SMCHD1: variants seen among roughly 807,000 people sequenced by gnomAD.
SMCHD1 encodes the protein structural maintenance of chromosomes flexible hinge domain containing 1, also known as structural maintenance of chromosomes flexible hinge domain-containing protein 1.
A neutral mutation model predicts 254.7 loss-of-function variants in SMCHD1; 78 were observed. That is an observed-to-expected ratio of 0.31 (90% CI 0.26 to 0.37). The LOEUF is 0.37. Ranked by LOEUF, SMCHD1 falls within the 10% of genes least tolerant of loss-of-function variation. The probability of loss-of-function intolerance (pLI) is 1.00; values close to 1 mark genes in which losing one functional copy is unlikely to be tolerated. For synonymous variants in SMCHD1, 766 were observed against 794.9 expected (o/e 0.96, Z 0.61); for missense variants, 1,840 against 2,408.1 (o/e 0.76, Z 4.94).
chr18:2,729,523 G>A (rs2075094281), intron 24 of SMCHD1, 114 bp downstream of exon 24: 2 of 698,874 alleles, frequency 2.9e-6, no homozygotes, highest in Non-Finnish European at 2.2e-6. Context: ...AGGTATTTGT[G>A]GTTCTTTCAG....
At chr18:2,706,874 A>C (rs926565918) in intron 15 of SMCHD1, among the ~76,000 whole-genome samples, 1 of 152,208 alleles carries the variant, frequency 6.6e-6, no homozygotes, top group Non-Finnish European at 1.5e-5. Context: ...TAATTGACTC[A>C]GTCGTGCATG....
intron 25 of SMCHD1, among the ~76,000 whole-genome samples, chr18:2,737,812 G>A (rs2075278766): frequency 6.6e-6 from 1 of 152,180 alleles, no homozygotes; most frequent in Admixed American, 6.5e-5. Context: ...TAAATAGAAA[G>A]TATTGGGAGT....
chr18:2,758,061 GATAGATAGATAT>G (rs1429082942), intron 34 of SMCHD1, among the ~76,000 whole-genome samples: 2 of 152,200 alleles, frequency 1.3e-5, no homozygotes, highest in Admixed American at 6.5e-5. Context: ...TAGATAGATA[GATAGATAGATAT>G]ATTCTTTTAA....
intron 15 of SMCHD1, among the ~76,000 whole-genome samples, chr18:2,707,051 A>C (rs2143248770): frequency 6.6e-6 from 1 of 152,284 alleles, no homozygotes. Flanking sequence ...AGCATGGGGG[A>C]AACCATTCCT....
At chr18:2,679,033 A>G (rs1269364486) in intron 5 of SMCHD1, among the ~76,000 whole-genome samples, 1 of 150,614 alleles carries the variant, frequency 6.6e-6, no homozygotes, top group Non-Finnish European at 1.5e-5. Context: ...TTTTTAGTAG[A>G]GTCGAGGTTT....
chr18:2,751,521 C>T (rs1555647613), intron 33 of SMCHD1, 128 bp downstream of exon 33: 2 of 589,174 alleles, frequency 3.4e-6, no homozygotes, highest in Non-Finnish European at 5.9e-6. Flanking sequence ...TACTTCATTC[C>T]TTTGGGGTTA....
At chr18:2,793,672 G>GA (rs77607786) in intron 45 of SMCHD1, among the ~76,000 whole-genome samples, 1 of 65,880 alleles carries the variant, frequency 1.5e-5, no homozygotes, top group African/African-American at 6.3e-5. Flanking sequence ...AAAAAAAAAA[G>GA]AAAGAAAACA....
In SMCHD1 at chr18:2,708,894, ATATATATATAT is replaced by A. The variant is rs1397756362; in HGVS notation, c.2260+975_2260+985del. Among the ~76,000 whole-genome samples the A allele has an allele frequency of 5.5e-3, 421 of 76,916 alleles. 55 individuals are homozygous for A. The highest frequency in any genetic ancestry group is 0.024 in the African/African-American group (380 of 15,870). 50.5% of individuals were successfully genotyped at this position (76,916 alleles called of 152,430 possible). ...TATATATATATATATATATATATAT[ATATATATATAT>A]ATAACATATTAACATGAAATTTATG... is the stretch of plus-strand genomic sequence containing the variant. On this transcript the variant is annotated intron_variant, in intron 17 of 47. Coordinates refer to ENST00000320876, the MANE Select transcript of SMCHD1 (RefSeq NM_015295.3).
chr18:2,679,925 A>T (rs2073886947), intron 5 of SMCHD1, among the ~76,000 whole-genome samples: 1 of 152,026 alleles, frequency 6.6e-6, no homozygotes, highest in Non-Finnish European at 1.5e-5. Flanking sequence ...AAATAATTTC[A>T]ATCAGCCTAC....
intron 24 of SMCHD1, among the ~76,000 whole-genome samples, chr18:2,731,905 G>A (rs1280634582): frequency 2.6e-5 from 4 of 152,124 alleles, no homozygotes; most frequent in East Asian, 3.9e-4. Context: ...CAGCTACTCT[G>A]GAGGCTGAGG....
Position 2,751,259 on chromosome 18 carries a change from T to A in SMCHD1, c.4166-19T>A. The A allele has an allele frequency of 7.2e-7, 1 of 1,396,346 alleles. No homozygotes were observed. The highest frequency in any genetic ancestry group is 9.9e-7 in the Non-Finnish European group (1 of 1,006,528). 86.5% of individuals were successfully genotyped at this position (1,396,346 alleles called of 1,614,324 possible). On this transcript the variant is annotated intron_variant, in intron 32 of 47. Transcript: ENST00000320876. ...AATTGAACTAGAAAGAGATAATTTT[T>A]TAACGTTTACCATGACAGATTTTAT...
At chr18:2,673,445 G>T in intron 4 of SMCHD1, 82 bp downstream of exon 4, 1 of 979,256 alleles carries the variant, frequency 1.0e-6, no homozygotes, top group Non-Finnish European at 1.4e-6. Flanking sequence ...TGAGAAAATA[G>T]AGATAAAACT....
intron 45 of SMCHD1, among the ~76,000 whole-genome samples, chr18:2,789,497 A>G (rs1379886609): frequency 7.7e-6 from 1 of 129,038 alleles, no homozygotes; most frequent in Admixed American, 8.6e-5. Flanking sequence ...AATGAAAAGA[A>G]AAAAGTGAGA....
chr18:2,798,304 G>A (rs1444004509), intron 47 of SMCHD1, among the ~76,000 whole-genome samples: 1 of 152,236 alleles, frequency 6.6e-6, no homozygotes, highest in Non-Finnish European at 1.5e-5. Flanking sequence ...TGTGAATGAT[G>A]TGTTCATGGG....
Position 2,655,859 on chromosome 18 carries a change from G to GAC in SMCHD1, c.-216_-215dup. On this transcript the variant is annotated 5_prime_UTR_variant, in exon 1 of 48. Coordinates refer to ENST00000320876, the MANE Select transcript of SMCHD1 (RefSeq NM_015295.3). ...CTCAGGAGTGGCGGGCCGCGGAAGTGACGTGGTGCACGGGCAGGAGCGCGT... is the reference window on the plus strand; with the variant it reads ...CTCAGGAGTGGCGGGCCGCGGAAGTGACACGTGGTGCACGGGCAGGAGCGCGT... The GAC allele has an allele frequency of 2.8e-6, 1 of 362,336 alleles. No individual in the cohort carries two copies. Among genetic ancestry groups the GAC allele is most frequent in the Non-Finnish European group, 4.9e-6 (1 of 203,500 alleles). 22.4% of individuals were successfully genotyped at this position (362,336 alleles called of 1,614,324 possible). A position where few individuals can be genotyped will look rare whatever the true frequency, so the allele number is the denominator to read the frequency against.
intron 30 of SMCHD1, 45 bp downstream of exon 30, chr18:2,747,692 T>C (rs897178810): frequency 7.0e-7 from 1 of 1,421,276 alleles, no homozygotes; most frequent in African/African-American, 1.4e-5. Context: ...ATTCTGGATT[T>C]CATTTTCATG....
At chr18:2,707,506 A>G in intron 15 of SMCHD1, 57 bp from the exon 16 acceptor site, 2 of 1,027,780 alleles carry the variant, frequency 1.9e-6, no homozygotes, top group Non-Finnish European at 2.9e-6. Context: ...GTATCTTTTT[A>G]ATTAAGATCA....
At chr18:2,711,401 T>G (rs2074666765) in intron 17 of SMCHD1, among the ~76,000 whole-genome samples, 1 of 151,826 alleles carries the variant, frequency 6.6e-6, no homozygotes, top group African/African-American at 2.4e-5. Context: ...CGTAGCCTTG[T>G]TTGTTTTTTA....
chr18:2,775,833 G>T lies in SMCHD1; in HGVS notation c.5275G>T (p.Ala1759Ser). The T allele has an allele frequency of 6.2e-7, 1 of 1,612,412 alleles. No homozygotes were observed. Residue 1759 changes from alanine (A) to serine (S), a missense_variant, in exon 42 of 48, where the codon GCT becomes TCT. This residue lies in a region of SMCHD1 where 114 missense variants were observed against 217.6 expected (regional missense o/e 0.52). Coordinates refer to ENST00000320876, the MANE Select transcript of SMCHD1 (RefSeq NM_015295.3). ...CTGTGTAGTCACCCTAACCACTGAC[G>T]CTGCACGTCGTATCTATGATGAAAC... ...MDCVVTLTTD[A>S]ARRIYDETQG...
Sources: gnomAD v4.1 joint callset for allele counts (sites outside exome capture counted in the v4.1 genomes callset) on GRCh38, gnomAD v4.1.1 for gene constraint, gnomAD v4.1.1 regional missense constraint, MANE v1.5 for transcripts, NCBI Gene and HGNC (gene_info 2026-07-23, HGNC 2026-07-21) for gene names.